SLC10A7: variants seen among roughly 807,000 people sequenced by gnomAD.
The protein encoded by SLC10A7 is sodium/bile acid cotransporter 7.
A neutral mutation model predicts 43.2 loss-of-function variants in SLC10A7; 29 were observed. The observed-to-expected ratio is 0.67, with a 90% CI of 0.50 to 0.92. The LOEUF (loss-of-function observed/expected upper bound fraction) is 0.92, where lower values mean the gene tolerates loss of function less well. Among genes scored for constraint, SLC10A7 ranks in the 40% least tolerant of loss-of-function variants. The probability of loss-of-function intolerance (pLI) is 0.00; values close to 1 mark genes in which losing one functional copy is unlikely to be tolerated. For synonymous variants in SLC10A7, 152 were observed against 144.8 expected (o/e 1.05, Z -0.35); for missense variants, 295 against 403.2 (o/e 0.73, Z 2.30).
chr4:146,359,335 G>A (rs1013070911), intron 5 of SLC10A7, among the ~76,000 whole-genome samples: 1 of 152,040 alleles, frequency 6.6e-6, no homozygotes, highest in Non-Finnish European at 1.5e-5. Flanking sequence ...TGTATGGCTT[G>A]CCTTTTATTC....
At position 146,354,585 on chromosome 4, in the gene SLC10A7, A is replaced by G. The variant is rs1174581468; in HGVS notation, c.436-28589T>C. Among the ~76,000 whole-genome samples the G allele has an allele frequency of 6.7e-5, 10 of 148,968 alleles. No homozygotes were observed. In the East Asian group the frequency reaches 2.0e-3, roughly 30 times the overall value. On this transcript the variant is annotated intron_variant, in intron 5 of 11. Coordinates refer to ENST00000335472, the MANE Select transcript of SLC10A7 (RefSeq NM_001029998.6). ...AAAAAGAGCCCGCATCGCCAAGTCA[A>G]TCCTAAGCCAAAAGAACAAAGCTGG...
chr4:146,270,764 G>C (rs1431049968), intron 10 of SLC10A7, among the ~76,000 whole-genome samples: 1 of 152,192 alleles, frequency 6.6e-6, no homozygotes, highest in Non-Finnish European at 1.5e-5. Context: ...CTGAGGCTTG[G>C]TTTTCTAGTT....
At chr4:146,308,148 G>C (rs991939149) in intron 6 of SLC10A7, among the ~76,000 whole-genome samples, 11 of 152,128 alleles carry the variant, frequency 7.2e-5, no homozygotes, top group African/African-American at 2.4e-4. Flanking sequence ...TGTCAGATCA[G>C]AGATCAGAGC....
At chr4:146,306,292 G>T (rs1026551958) in intron 6 of SLC10A7, among the ~76,000 whole-genome samples, 2 of 152,046 alleles carry the variant, frequency 1.3e-5, no homozygotes, top group African/African-American at 4.8e-5. Flanking sequence ...TTTTCATACA[G>T]TCTATAATCA....
chr4:146,357,240 C>G (rs906561301), intron 5 of SLC10A7, among the ~76,000 whole-genome samples: 5 of 152,144 alleles, frequency 3.3e-5, no homozygotes, highest in African/African-American at 1.2e-4. Flanking sequence ...TAATGTAAAG[C>G]AGGTAACATT....
chr4:146,417,947 T>C (rs185057114), intron 5 of SLC10A7, among the ~76,000 whole-genome samples: 183 of 152,014 alleles, frequency 1.2e-3, no homozygotes, highest in African/African-American at 4.0e-3. Flanking sequence ...AACAGGACTC[T>C]CTCCTCTCTC....
At position 146,351,537 on chromosome 4, in the gene SLC10A7, C is replaced by A. The variant is rs1229131300; in HGVS notation, c.436-25541G>T. Among the ~76,000 whole-genome samples, 4 of 149,686 alleles carry A rather than the reference C, an allele frequency of 2.7e-5. No individual in the cohort carries two copies. In the East Asian group the frequency reaches 7.9e-4, roughly 30 times the overall value. On this transcript the variant is annotated intron_variant, in intron 5 of 11. Transcript: ENST00000335472. ...TCAGATTCAGGAAATACAGAGAATG[C>A]CACAAAGATACTCCTCGAGAAGAGC...
chr4:146,400,458 G>A (rs1326854263), intron 5 of SLC10A7, among the ~76,000 whole-genome samples: 1 of 152,176 alleles, frequency 6.6e-6, no homozygotes, highest in African/African-American at 2.4e-5. Flanking sequence ...GAGGTTCACA[G>A]TCATCCTATT....
intron 5 of SLC10A7, among the ~76,000 whole-genome samples, chr4:146,383,540 C>T (rs1737783845): frequency 6.6e-6 from 1 of 152,170 alleles, no homozygotes; most frequent in Admixed American, 6.6e-5. Context: ...CATTGAGCCG[C>T]TTTCTCAGGC....
intron 5 of SLC10A7, among the ~76,000 whole-genome samples, chr4:146,350,581 G>A: frequency 7.1e-6 from 1 of 141,508 alleles, no homozygotes; most frequent in South Asian, 2.3e-4. Flanking sequence ...TGGGGGCAGG[G>A]CACAGACAAA....
intron 6 of SLC10A7, among the ~76,000 whole-genome samples, chr4:146,309,617 T>C (rs1424611414): frequency 6.6e-6 from 1 of 152,134 alleles, no homozygotes; most frequent in East Asian, 1.9e-4. Flanking sequence ...ATGACTGTAA[T>C]ACAAAGGCAG....
chr4:146,284,072 A>C (rs1339893796), intron 9 of SLC10A7, among the ~76,000 whole-genome samples: 1 of 152,150 alleles, frequency 6.6e-6, no homozygotes, highest in Non-Finnish European at 1.5e-5. Context: ...CCTGTTTTAG[A>C]TAATAAGGGT....
chr4:146,255,145 G>C lies in SLC10A7; in HGVS notation c.*1346C>G, dbSNP rs993415503. The C allele has an allele frequency of 3.3e-5, 5 of 152,458 alleles. No homozygotes were observed. The highest frequency in any genetic ancestry group is 4.8e-5 in the African/African-American group (2 of 41,440). 9.4% of individuals were successfully genotyped at this position (152,458 alleles called of 1,614,324 possible). On this transcript the variant is annotated 3_prime_UTR_variant, in exon 12 of 12. Coordinates refer to ENST00000335472, the MANE Select transcript of SLC10A7 (RefSeq NM_001029998.6). ...AATATTGTCTATCAAATCAAGAGAG[G>C]ACGTGTAAGAGGATGTGACAGGACG...
intron 10 of SLC10A7, among the ~76,000 whole-genome samples, chr4:146,272,538 G>A (rs1385726586): frequency 6.6e-6 from 1 of 152,152 alleles, no homozygotes; most frequent in African/African-American, 2.4e-5. Flanking sequence ...AAAGAAGCAT[G>A]GAGCGGGCTG....
chr4:146,456,085 A>C (rs949659671), intron 4 of SLC10A7, among the ~76,000 whole-genome samples: 2 of 151,868 alleles, frequency 1.3e-5, no homozygotes, highest in African/African-American at 4.8e-5. Flanking sequence ...CCAAGAAGGG[A>C]AAGATGGCAT....
chr4:146,283,301 T>C, intron 9 of SLC10A7, 36 bp from the exon 10 acceptor site: 3 of 1,566,858 alleles, frequency 1.9e-6, no homozygotes, highest in Non-Finnish European at 2.6e-6. Flanking sequence ...AATACTTTTA[T>C]AAAAAGCCAA....
chr4:146,466,155 C>T lies in SLC10A7; in HGVS notation c.397-23334G>A, dbSNP rs563942684. On this transcript the variant is annotated intron_variant, in intron 4 of 11. Transcript: ENST00000335472. ...CAGTGTGAATTTAAATTGCAATTAACATCTTTTGAGGGATTACATGTTCTA... is the reference window on the plus strand; with the variant it reads ...CAGTGTGAATTTAAATTGCAATTAATATCTTTTGAGGGATTACATGTTCTA... Among the ~76,000 whole-genome samples the T allele has an allele frequency of 1.2e-3, 179 of 152,274 alleles. 1 individual carries two copies. The highest frequency in any genetic ancestry group is 1.7e-3 in the Non-Finnish European group (118 of 68,008).
At chr4:146,306,590 T>C (rs554940714) in intron 6 of SLC10A7, among the ~76,000 whole-genome samples, 5 of 152,292 alleles carry the variant, frequency 3.3e-5, no homozygotes, top group Admixed American at 2.6e-4. Flanking sequence ...TTAACACTGT[T>C]CATAATTCCT....
chr4:146,374,613 T>TATACATACAC (rs1286344996), intron 5 of SLC10A7, among the ~76,000 whole-genome samples: 10 of 119,496 alleles, frequency 8.4e-5, no homozygotes, highest in South Asian at 3.3e-4. Flanking sequence ...TATATATATA[T>TATACATACAC]ACACATACAC....
Sources: gnomAD v4.1 joint callset for allele counts (sites outside exome capture counted in the v4.1 genomes callset) on GRCh38, gnomAD v4.1.1 for gene constraint, MANE v1.5 for transcripts, NCBI Gene and HGNC (gene_info 2026-07-23, HGNC 2026-07-21) for gene names.